Variants in TBC1D22A observed in about 807,000 individuals in gnomAD.
The protein encoded by TBC1D22A is putative GTPase activator.
TBC1D22A carries 38 observed loss-of-function variants against 60.2 expected under a neutral mutation model. The observed-to-expected ratio is 0.63, with a 90% confidence interval of 0.49 to 0.83. TBC1D22A has a LOEUF of 0.83. TBC1D22A is among the 40% of genes least tolerant of loss of function. The pLI is 0.00. For synonymous variants in TBC1D22A, 302 were observed against 281.7 expected (o/e 1.07, Z -0.72); for missense variants, 628 against 701.0 (o/e 0.90, Z 1.18).
intron 8 of TBC1D22A, among the ~76,000 whole-genome samples, chr22:46,954,959 T>C (rs1266613352): frequency 6.6e-6 from 1 of 152,238 alleles, no homozygotes; most frequent in Non-Finnish European, 1.5e-5. Context: ...CAAAATGTTA[T>C]TTATAACCCA....
chr22:46,876,329 A>G (rs1375113646), intron 4 of TBC1D22A, among the ~76,000 whole-genome samples: 1 of 152,250 alleles, frequency 6.6e-6, no homozygotes, highest in East Asian at 1.9e-4. Flanking sequence ...ATTCTTTTCT[A>G]TGGCAACAGT....
At chr22:47,076,378 T>C (rs865979271) in intron 11 of TBC1D22A, among the ~76,000 whole-genome samples, 23 of 106,716 alleles carry the variant, frequency 2.2e-4, no homozygotes, top group East Asian at 1.3e-3. Context: ...TATATATATA[T>C]ATACACACAC....
chr22:46,905,228 C>T (rs2069374847), intron 7 of TBC1D22A, among the ~76,000 whole-genome samples: 1 of 151,936 alleles, frequency 6.6e-6, no homozygotes, highest in South Asian at 2.1e-4. Flanking sequence ...AAAACACCAG[C>T]ATAACTCATA....
intron 7 of TBC1D22A, among the ~76,000 whole-genome samples, chr22:46,908,453 C>T (rs150160267): frequency 6.8e-4 from 103 of 152,278 alleles, no homozygotes; most frequent in African/African-American, 2.4e-3. Context: ...CTGCTTGCCA[C>T]GTTAAAGGTC....
chr22:46,848,226 C>T (rs1037341793), intron 4 of TBC1D22A, among the ~76,000 whole-genome samples: 2 of 152,212 alleles, frequency 1.3e-5, no homozygotes, highest in African/African-American at 2.4e-5. Context: ...ATCGCGGAGG[C>T]GGTGTCAGAA....
intron 8 of TBC1D22A, among the ~76,000 whole-genome samples, chr22:46,945,718 C>G (rs2072495129): frequency 6.6e-6 from 1 of 152,200 alleles, no homozygotes; most frequent in Admixed American, 6.5e-5. Flanking sequence ...CCTGGTTACC[C>G]TCTGTCAGGG....
At chr22:46,845,036 C>A (rs2086929789) in intron 4 of TBC1D22A, among the ~76,000 whole-genome samples, 1 of 152,164 alleles carries the variant, frequency 6.6e-6, no homozygotes, top group Non-Finnish European at 1.5e-5. Context: ...CTTGGTCATA[C>A]CCTGGCGTCC....
intron 3 of TBC1D22A, among the ~76,000 whole-genome samples, chr22:46,795,825 T>A (rs925702479): frequency 6.6e-6 from 1 of 152,182 alleles, no homozygotes; most frequent in Non-Finnish European, 1.5e-5. Flanking sequence ...TTTCTGAAGA[T>A]CACAGGGAAG....
At chr22:47,055,515 T>C (rs973242477) in intron 11 of TBC1D22A, among the ~76,000 whole-genome samples, 3 of 152,212 alleles carry the variant, frequency 2.0e-5, no homozygotes, top group Admixed American at 6.5e-5. Flanking sequence ...ATTTGTGATA[T>C]ACAGCAAAGA....
intron 11 of TBC1D22A, among the ~76,000 whole-genome samples, chr22:47,037,666 C>A (rs561415714): frequency 1.3e-5 from 2 of 152,264 alleles, no homozygotes; most frequent in African/African-American, 4.8e-5. Context: ...GAGTATACTC[C>A]TGGCATGCTT....
chr22:46,814,648 T>C (rs113581451), intron 4 of TBC1D22A, among the ~76,000 whole-genome samples: 72 of 152,138 alleles, frequency 4.7e-4, no homozygotes, highest in African/African-American at 1.6e-3. Context: ...ATTTATTTTA[T>C]TTTTAATTTT....
intron 8 of TBC1D22A, among the ~76,000 whole-genome samples, chr22:46,939,642 C>T (rs1033261447): frequency 6.6e-6 from 1 of 152,292 alleles, no homozygotes; most frequent in Non-Finnish European, 1.5e-5. Context: ...AAAGGAAAAT[C>T]TTCTCCCATT....
intron 11 of TBC1D22A, among the ~76,000 whole-genome samples, chr22:47,085,816 A>G (rs1403472686): frequency 1.3e-5 from 2 of 152,222 alleles, no homozygotes; most frequent in African/African-American, 4.8e-5. Context: ...TGGTCAAATT[A>G]ATATTTGTTC....
intron 1 of TBC1D22A, among the ~76,000 whole-genome samples, chr22:46,791,553 A>G (rs1028681671): frequency 2.7e-5 from 4 of 150,304 alleles, no homozygotes; most frequent in Admixed American, 1.3e-4. Context: ...TTTTTTCCAG[A>G]AAAGTAAAAA....
intron 10 of TBC1D22A, among the ~76,000 whole-genome samples, chr22:47,017,198 A>G (rs1168289545): frequency 1.3e-5 from 2 of 152,162 alleles, no homozygotes; most frequent in East Asian, 1.9e-4. Context: ...GATTTTTTCC[A>G]TGGGAAGAAG....
intron 8 of TBC1D22A, among the ~76,000 whole-genome samples, chr22:46,934,333 G>A (rs2071522802): frequency 6.6e-6 from 1 of 152,342 alleles, no homozygotes; most frequent in South Asian, 2.1e-4. Flanking sequence ...TGGAAACCTC[G>A]GTTACATTCT....
intron 8 of TBC1D22A, among the ~76,000 whole-genome samples, chr22:46,945,547 TGTGCTGACGG>T (rs1010406998): frequency 2.6e-5 from 4 of 152,192 alleles, no homozygotes; most frequent in African/African-American, 9.7e-5. Flanking sequence ...AGGCTGCAGC[TGTGCTGACGG>T]CATTTCTCGT....
intron 12 of TBC1D22A, among the ~76,000 whole-genome samples, chr22:47,146,661 C>T (rs1167737993): frequency 6.6e-6 from 1 of 152,164 alleles, no homozygotes; most frequent in Non-Finnish European, 1.5e-5. Flanking sequence ...ACAGGACAGG[C>T]AGCGAGATGG....
chr22:46,993,949 G>GT (rs2075034410), intron 9 of TBC1D22A, among the ~76,000 whole-genome samples: 1 of 152,236 alleles, frequency 6.6e-6, no homozygotes, highest in Non-Finnish European at 1.5e-5. Flanking sequence ...CCCTCGGGGG[G>GT]TGGGGCCGGG....
Sources: allele counts gnomAD v4.1 joint callset (sites outside exome capture counted in the v4.1 genomes callset), GRCh38; gene constraint gnomAD v4.1.1; transcripts MANE v1.5; gene names NCBI Gene and HGNC (gene_info 2026-07-23, HGNC 2026-07-21).